The following RXFP1 variants were observed in gnomAD, a reference collection of about 807,000 sequenced individuals.
RXFP1 encodes relaxin family peptide receptor 1.
A neutral mutation model predicts 89.8 loss-of-function variants in RXFP1; 73 were observed. That is an observed-to-expected ratio of 0.81 (90% CI 0.67 to 0.99). RXFP1 has a LOEUF of 0.99. Among genes scored for constraint, RXFP1 ranks in the 50% least tolerant of loss-of-function variants. The pLI is 0.00. For missense variants in RXFP1, 793 were observed against 895.5 expected (o/e 0.89, Z 1.46); for synonymous variants, 277 against 305.5 (o/e 0.91, Z 0.97).
chr4:158,602,831 G>T (rs1190510508), intron 4 of RXFP1, among the ~76,000 whole-genome samples: 1 of 152,136 alleles, frequency 6.6e-6, no homozygotes, highest in Non-Finnish European at 1.5e-5. Context: ...TTGGCTCACT[G>T]CAACCTCTGT....
intron 10 of RXFP1, among the ~76,000 whole-genome samples, chr4:158,628,015 T>C (rs961201761): frequency 6.6e-6 from 1 of 152,032 alleles, no homozygotes; most frequent in Non-Finnish European, 1.5e-5. Context: ...AGTGAGGAAA[T>C]AAATGGGAAA....
At chr4:158,543,926 A>G (rs905397845) in intron 1 of RXFP1, 1 of 985,420 alleles carries the variant, frequency 1.0e-6, no homozygotes, top group Non-Finnish European at 1.2e-6. Flanking sequence ...GAATATCGAT[A>G]TAGTAGTATC....
intron 1 of RXFP1, among the ~76,000 whole-genome samples, chr4:158,550,498 G>C (rs1023002547): frequency 1.3e-5 from 2 of 152,172 alleles, no homozygotes; most frequent in African/African-American, 4.8e-5. Context: ...AGATGAACCC[G>C]GTACCTCAGA....
intron 14 of RXFP1, among the ~76,000 whole-genome samples, chr4:158,643,662 G>T (rs536870649): frequency 5.9e-4 from 90 of 151,606 alleles, no homozygotes; most frequent in Non-Finnish European, 1.1e-3. Flanking sequence ...TAGTAGAGAC[G>T]GGTTTTCACC....
chr4:158,540,391 T>G (rs1240881056), intron 1 of RXFP1, among the ~76,000 whole-genome samples: 1 of 152,090 alleles, frequency 6.6e-6, no homozygotes, highest in East Asian at 1.9e-4. Context: ...TAAACTGTCA[T>G]GCACTGGTGG....
chr4:158,633,355 G>A (rs756802738), intron 11 of RXFP1, 50 bp from the exon 12 acceptor site: 1 of 1,183,122 alleles, frequency 8.5e-7, no homozygotes, highest in Non-Finnish European at 1.3e-6. Flanking sequence ...TCAGAACAAT[G>A]AGTAAAGTCT....
intron 2 of RXFP1, among the ~76,000 whole-genome samples, chr4:158,581,490 C>G (rs1422011168): frequency 6.6e-6 from 1 of 152,242 alleles, no homozygotes; most frequent in East Asian, 1.9e-4. Context: ...ATGAAGTCTT[C>G]CCTTTAAGGA....
chr4:158,592,781 C>A (rs1759755546), intron 2 of RXFP1, among the ~76,000 whole-genome samples: 1 of 151,842 alleles, frequency 6.6e-6, no homozygotes, highest in African/African-American at 2.4e-5. Flanking sequence ...TCAGGAACAC[C>A]TATAGTGCTT....
In RXFP1 at chr4:158,545,463, G is replaced by A. The variant is rs1211895082; in HGVS notation, c.49+23438G>A. 3.9e-5 allele frequency among the ~76,000 whole-genome samples: 6 copies of A among 151,924 alleles called. No homozygotes were observed. The East Asian group carries it at 1.2e-3, about 29-fold the overall frequency. Reference sequence around the variant, plus strand: ...AAGCTCTTTAGTTTAATTATATCCTGTTTGTCAATTTTGTCTTTTGTTGCC... The same window carrying A: ...AAGCTCTTTAGTTTAATTATATCCTATTTGTCAATTTTGTCTTTTGTTGCC... On this transcript the variant is annotated intron_variant, in intron 1 of 17. Coordinates refer to ENST00000307765, the MANE Select transcript of RXFP1 (RefSeq NM_021634.4).
At chr4:158,560,514 G>A (rs907239719) in intron 1 of RXFP1, among the ~76,000 whole-genome samples, 2 of 152,108 alleles carry the variant, frequency 1.3e-5, no homozygotes, top group Non-Finnish European at 2.9e-5. Context: ...GGAGTTTCTC[G>A]ATGTATCAGT....
chr4:158,551,040 G>GT (rs979133766), intron 1 of RXFP1, among the ~76,000 whole-genome samples: 29 of 151,102 alleles, frequency 1.9e-4, no homozygotes, highest in African/African-American at 7.1e-4. Flanking sequence ...GGACTATTAA[G>GT]TTTTAAAACT....
chr4:158,622,314 T>TAA (rs531274592), intron 9 of RXFP1, among the ~76,000 whole-genome samples: 3 of 146,046 alleles, frequency 2.1e-5, no homozygotes, highest in African/African-American at 7.5e-5. Context: ...CCATCTCAAA[T>TAA]AAAAAAAAAA....
intron 1 of RXFP1, among the ~76,000 whole-genome samples, chr4:158,524,956 G>A (rs1742121944): frequency 6.6e-6 from 1 of 152,148 alleles, no homozygotes; most frequent in African/African-American, 2.4e-5. Flanking sequence ...GCTTAGTAAG[G>A]TCTTCTCTTT....
intron 1 of RXFP1, among the ~76,000 whole-genome samples, chr4:158,551,982 C>G (rs1024251548): frequency 6.6e-6 from 1 of 152,170 alleles, no homozygotes; most frequent in East Asian, 1.9e-4. Context: ...AAAATAAAGA[C>G]CCACTCAAAA....
intron 2 of RXFP1, among the ~76,000 whole-genome samples, chr4:158,588,483 A>C (rs1433695385): frequency 6.6e-6 from 1 of 152,166 alleles, no homozygotes; most frequent in Admixed American, 6.5e-5. Context: ...CTGACAACGG[A>C]GACAGCTGCT....
At chr4:158,566,853 A>G (rs1274506253) in intron 1 of RXFP1, among the ~76,000 whole-genome samples, 1 of 152,088 alleles carries the variant, frequency 6.6e-6, no homozygotes, top group Non-Finnish European at 1.5e-5. Context: ...GGGCTTGAGG[A>G]GCCCTTCAGC....
intron 8 of RXFP1, among the ~76,000 whole-genome samples, chr4:158,613,102 A>T (rs745653712): frequency 7.2e-5 from 11 of 152,220 alleles, no homozygotes; most frequent in Non-Finnish European, 1.0e-4. Context: ...GTGCAATAAC[A>T]TTATGTTTAA....
At chr4:158,602,957 G>GTC (rs910577279) in intron 4 of RXFP1, among the ~76,000 whole-genome samples, 13 of 152,160 alleles carry the variant, frequency 8.5e-5, no homozygotes, top group African/African-American at 2.7e-4. Context: ...AACAGACAGG[G>GTC]TCTCACTGTG....
intron 11 of RXFP1, among the ~76,000 whole-genome samples, chr4:158,631,863 C>T (rs1454412228): frequency 4.6e-5 from 7 of 152,100 alleles, no homozygotes; most frequent in Non-Finnish European, 7.4e-5. Flanking sequence ...GAGGCTGAGA[C>T]GGGATGATCA....
Sources: allele counts gnomAD v4.1 joint callset (sites outside exome capture counted in the v4.1 genomes callset), GRCh38; gene constraint gnomAD v4.1.1; transcripts MANE v1.5; gene names NCBI Gene and HGNC (gene_info 2026-07-23, HGNC 2026-07-21).